Variants in ZCCHC7 observed in about 807,000 individuals in gnomAD.
ZCCHC7 encodes the protein zinc finger CCHC-type containing 7.
In ZCCHC7, 35 loss-of-function variants were observed where a neutral mutation model predicts 52.0. That is an observed-to-expected ratio of 0.67 (90% CI 0.51 to 0.89). ZCCHC7 has a LOEUF of 0.89. Ranked by LOEUF, ZCCHC7 falls within the 40% of genes least tolerant of loss-of-function variation. The probability of loss-of-function intolerance (pLI) is 0.00; values close to 1 mark genes in which losing one functional copy is unlikely to be tolerated. For synonymous variants in ZCCHC7, 217 were observed against 221.5 expected (o/e 0.98, Z 0.18); for missense variants, 574 against 649.1 (o/e 0.88, Z 1.26).
intron 6 of ZCCHC7, among the ~76,000 whole-genome samples, chr9:37,338,370 T>C (rs905541198): frequency 2.0e-5 from 3 of 152,174 alleles, no homozygotes; most frequent in Non-Finnish European, 2.9e-5. Context: ...TACATTACTT[T>C]AATGTAGTTT....
intron 2 of ZCCHC7, 103 bp downstream of exon 2, chr9:37,127,045 A>G: frequency 7.1e-7 from 1 of 1,408,270 alleles, no homozygotes; most frequent in East Asian, 2.3e-5. Flanking sequence ...TTAATTCCTC[A>G]CTTTTTGGTC....
chr9:37,301,749 G>C (rs1289076870), intron 2 of ZCCHC7, among the ~76,000 whole-genome samples: 1 of 152,192 alleles, frequency 6.6e-6, no homozygotes, highest in African/African-American at 2.4e-5. Flanking sequence ...GATCCTCCTG[G>C]AGGTGTGAGA....
At chr9:37,295,009 T>C (rs1345616623) in intron 2 of ZCCHC7, among the ~76,000 whole-genome samples, 1 of 152,198 alleles carries the variant, frequency 6.6e-6, no homozygotes, top group African/African-American at 2.4e-5. Flanking sequence ...TAAATATGAA[T>C]ACCTATGGTA....
chr9:37,262,398 A>G (rs538936733), intron 2 of ZCCHC7, among the ~76,000 whole-genome samples: 1 of 152,284 alleles, frequency 6.6e-6, no homozygotes, highest in Non-Finnish European at 1.5e-5. Context: ...ATGAACTCTA[A>G]TTTACTTATC....
intron 6 of ZCCHC7, among the ~76,000 whole-genome samples, chr9:37,336,442 C>T (rs1830664497): frequency 6.6e-6 from 1 of 152,004 alleles, no homozygotes; most frequent in Admixed American, 6.6e-5. Flanking sequence ...AATTCCCTGC[C>T]TTTGTGATCG....
At chr9:37,339,842 G>A (rs555821954) in intron 6 of ZCCHC7, among the ~76,000 whole-genome samples, 4 of 152,130 alleles carry the variant, frequency 2.6e-5, no homozygotes, top group African/African-American at 7.2e-5. Context: ...ATTACATATC[G>A]TATATAGTAA....
intron 6 of ZCCHC7, among the ~76,000 whole-genome samples, chr9:37,339,608 A>C (rs1425938725): frequency 2.0e-5 from 3 of 152,246 alleles, no homozygotes; most frequent in Non-Finnish European, 1.5e-5. Context: ...CATGTGATTT[A>C]GTCAGTAAGA....
intron 2 of ZCCHC7, among the ~76,000 whole-genome samples, chr9:37,228,594 CT>C: frequency 6.6e-6 from 1 of 151,960 alleles, no homozygotes; most frequent in East Asian, 1.9e-4. Flanking sequence ...CCAGACTGGT[CT>C]TAAACTCAAG....
chr9:37,300,654 C>G (rs953175745), intron 2 of ZCCHC7, among the ~76,000 whole-genome samples: 14 of 152,194 alleles, frequency 9.2e-5, no homozygotes, highest in African/African-American at 3.4e-4. Context: ...CTTCATGTCT[C>G]TTCAAAAGCC....
intron 2 of ZCCHC7, among the ~76,000 whole-genome samples, chr9:37,220,506 C>G (rs1184093292): frequency 6.6e-6 from 1 of 152,110 alleles, no homozygotes; most frequent in East Asian, 1.9e-4. Flanking sequence ...CGTGCCACTG[C>G]GCTTCAGCCT....
chr9:37,252,513 T>C (rs1826378764), intron 2 of ZCCHC7, among the ~76,000 whole-genome samples: 1 of 152,178 alleles, frequency 6.6e-6, no homozygotes, highest in Admixed American at 6.5e-5. Context: ...CCCGGATATT[T>C]TAAGAAATTA....
chr9:37,300,187 G>C (rs1483031907), intron 2 of ZCCHC7, among the ~76,000 whole-genome samples: 2 of 152,124 alleles, frequency 1.3e-5, no homozygotes, highest in African/African-American at 4.8e-5. Flanking sequence ...ACTGTTTTCT[G>C]TTTATGTGTA....
At chr9:37,309,982 C>T (rs182211740) in intron 5 of ZCCHC7, among the ~76,000 whole-genome samples, 195 of 151,488 alleles carry the variant, frequency 1.3e-3, no homozygotes, top group African/African-American at 4.3e-3. Context: ...CATAGTCACA[C>T]ACCTAGACCT....
chr9:37,159,141 T>A (rs1820963613), intron 2 of ZCCHC7, among the ~76,000 whole-genome samples: 2 of 152,226 alleles, frequency 1.3e-5, no homozygotes, highest in African/African-American at 4.8e-5. Context: ...TCTCTCCGAT[T>A]TATATAATCC....
intron 2 of ZCCHC7, among the ~76,000 whole-genome samples, chr9:37,235,100 T>C (rs1170612437): frequency 6.6e-6 from 1 of 152,092 alleles, no homozygotes; most frequent in African/African-American, 2.4e-5. Flanking sequence ...ACATTCAAAA[T>C]GTTACATTCA....
intron 2 of ZCCHC7, among the ~76,000 whole-genome samples, chr9:37,226,132 TTA>T (rs1357336806): frequency 6.6e-6 from 1 of 152,210 alleles, no homozygotes. Context: ...CAACAACTAA[TTA>T]TATTTCTGTA....
At chr9:37,314,996 T>G (rs1201903799) in intron 5 of ZCCHC7, among the ~76,000 whole-genome samples, 2 of 152,094 alleles carry the variant, frequency 1.3e-5, no homozygotes, top group Non-Finnish European at 2.9e-5. Flanking sequence ...GTTATTCATC[T>G]TGAAAAAACA....
At chr9:37,201,574 G>A (rs934495625) in intron 2 of ZCCHC7, among the ~76,000 whole-genome samples, 2 of 152,174 alleles carry the variant, frequency 1.3e-5, no homozygotes, top group African/African-American at 4.8e-5. Context: ...CACTTTTTGT[G>A]TAGAAAATCT....
intron 2 of ZCCHC7, among the ~76,000 whole-genome samples, chr9:37,151,909 C>T (rs537199017): frequency 6.6e-6 from 1 of 152,110 alleles, no homozygotes; most frequent in Admixed American, 6.5e-5. Flanking sequence ...AGTATACTTT[C>T]TGGTAGCTCA....
Sources: gnomAD v4.1 joint callset for allele counts (sites outside exome capture counted in the v4.1 genomes callset) on GRCh38, gnomAD v4.1.1 for gene constraint, MANE v1.5 for transcripts, NCBI Gene and HGNC (gene_info 2026-07-23, HGNC 2026-07-21) for gene names.